The following CSMD1 variants were observed in gnomAD, a reference collection of about 807,000 sequenced individuals.
CSMD1 encodes the protein CUB and sushi domain-containing protein 1.
Under a neutral mutation model 417.5 loss-of-function variants are expected in CSMD1, and 213 were observed. The observed-to-expected ratio is 0.51, with a 90% CI of 0.46 to 0.57. The LOEUF (loss-of-function observed/expected upper bound fraction) is 0.57. Ranked by LOEUF, CSMD1 falls within the 20% of genes least tolerant of loss-of-function variation. The pLI is 0.00. For synonymous variants in CSMD1, 2,862 were observed against 1,736.8 expected, an observed-to-expected ratio of 1.65 and a Z score of -16.11; for missense variants, 6,923 against 4,529.7, an observed-to-expected ratio of 1.53 and a Z score of -15.17.
intron 3 of CSMD1, among the ~76,000 whole-genome samples, chr8:4,341,053 C>T (rs886091459): frequency 1.3e-5 from 2 of 151,932 alleles, no homozygotes; most frequent in Admixed American, 1.3e-4. Context: ...TACTCTAAAT[C>T]AACGTAAAAG....
At chr8:3,857,676 C>T (rs961214274) in intron 5 of CSMD1, among the ~76,000 whole-genome samples, 10 of 152,184 alleles carry the variant, frequency 6.6e-5, no homozygotes, top group African/African-American at 2.4e-4. Context: ...TTTTAATACA[C>T]TTCTTAGATT....
chr8:4,181,408 A>C (rs755215715), intron 3 of CSMD1, among the ~76,000 whole-genome samples: 12 of 152,012 alleles, frequency 7.9e-5, no homozygotes, highest in Non-Finnish European at 1.6e-4. Context: ...AGGGTTCTCC[A>C]ATCTTTTGGC....
chr8:3,447,539 G>A (rs1485039956), intron 12 of CSMD1, among the ~76,000 whole-genome samples: 2 of 152,168 alleles, frequency 1.3e-5, no homozygotes, highest in African/African-American at 4.8e-5. Context: ...TGGGACAGGT[G>A]GCACCCGGAA....
At chr8:3,717,240 G>C (rs922185767) in intron 6 of CSMD1, among the ~76,000 whole-genome samples, 1 of 151,974 alleles carries the variant, frequency 6.6e-6, no homozygotes, top group Non-Finnish European at 1.5e-5. Context: ...TTTCCATTAT[G>C]CTACATTTTT....
At chr8:4,092,271 C>A (rs915074122) in intron 3 of CSMD1, among the ~76,000 whole-genome samples, 1 of 152,116 alleles carries the variant, frequency 6.6e-6, no homozygotes, top group African/African-American at 2.4e-5. Context: ...TTTGTTCCAA[C>A]CAACTGAGTA....
At chr8:4,639,251 A>AT (rs34704649) in intron 1 of CSMD1, among the ~76,000 whole-genome samples, 40,609 of 131,294 alleles carry the variant, frequency 0.31, 7,873 homozygotes, top group African/African-American at 0.52. Flanking sequence ...GTGGTTGTCA[A>AT]TTTTTTTTTT....
intron 7 of CSMD1, among the ~76,000 whole-genome samples, chr8:3,700,961 G>C (rs1800828170): frequency 6.6e-6 from 1 of 151,952 alleles, no homozygotes; most frequent in South Asian, 2.1e-4. Context: ...GAGAGGCTGA[G>C]GATGACATGA....
chr8:4,496,647 T>C (rs1318892103), intron 2 of CSMD1, among the ~76,000 whole-genome samples: 1 of 152,168 alleles, frequency 6.6e-6, no homozygotes, highest in Non-Finnish European at 1.5e-5. Context: ...TCATAGCTCC[T>C]TTTGGTCTCC....
chr8:4,663,634 T>A (rs1804746144), intron 1 of CSMD1, among the ~76,000 whole-genome samples: 1 of 152,276 alleles, frequency 6.6e-6, no homozygotes, highest in South Asian at 2.1e-4. Flanking sequence ...TACTTTCCCT[T>A]CCACTATGAT....
At chr8:3,764,323 G>A (rs1359976272) in intron 5 of CSMD1, among the ~76,000 whole-genome samples, 1 of 152,166 alleles carries the variant, frequency 6.6e-6, no homozygotes, top group Non-Finnish European at 1.5e-5. Context: ...ACTCTCCTGA[G>A]TGTACTTGTG....
rs1269290683 is a variant in CSMD1 at position 4,352,391 on chromosome 8, T to G, written c.415+67562A>C. Among the ~76,000 whole-genome samples, 10 of 152,170 alleles carry G rather than the reference T, an allele frequency of 6.6e-5. 1 individual carries two copies. Among genetic ancestry groups the G allele is most frequent in the Admixed American group, 6.5e-4 (10 of 15,280 alleles). On this transcript the variant is annotated intron_variant, in intron 3 of 69. Transcript: ENST00000635120. ...AAACAGCAATAAATATGTCTGTAGA[T>G]CCACAGAAAATGAGAACACCAGTAT...
intron 11 of CSMD1, among the ~76,000 whole-genome samples, chr8:3,475,844 C>A (rs1296167960): frequency 6.6e-6 from 1 of 152,190 alleles, no homozygotes; most frequent in Non-Finnish European, 1.5e-5. Context: ...ACCTTTAACT[C>A]TTTGAGAGTG....
intron 26 of CSMD1, among the ~76,000 whole-genome samples, chr8:3,275,852 A>C (rs1802247748): frequency 6.6e-6 from 1 of 151,990 alleles, no homozygotes; most frequent in Admixed American, 6.6e-5. Flanking sequence ...CATAGTTTTC[A>C]ACTTCTTTGC....
intron 2 of CSMD1, among the ~76,000 whole-genome samples, chr8:4,533,348 A>G (rs1796936148): frequency 6.6e-6 from 1 of 152,306 alleles, no homozygotes; most frequent in East Asian, 1.9e-4. Flanking sequence ...GAGTTAATTC[A>G]TTTGGAAAGG....
rs1563183326 is a variant in CSMD1, at chr8:4,446,761, G to GTGTGTGTGTGTC, written c.303-26697_303-26696insGACACACACACA. On this transcript the variant is annotated intron_variant, in intron 2 of 69. Coordinates refer to ENST00000635120, the MANE Select transcript of CSMD1 (RefSeq NM_033225.6). ...TGTGTGTGTGTGTGTGTGTCTGTGT[G>GTGTGTGTGTGTC]TGTGTGTGTGTGTGTGTGTGTGTGT... Among the ~76,000 whole-genome samples the GTGTGTGTGTGTC allele has an allele frequency of 1.4e-3, 99 of 69,002 alleles. 1 individual carries two copies. Among genetic ancestry groups the GTGTGTGTGTGTC allele is most frequent in the African/African-American group, 8.2e-3 (96 of 11,724 alleles). The allele number at this position is 69,002 out of a possible 152,430, so 45.3% of individuals were successfully genotyped here.
chr8:3,982,863 C>G (rs556380482), intron 5 of CSMD1, among the ~76,000 whole-genome samples: 22 of 152,176 alleles, frequency 1.4e-4, no homozygotes, highest in Non-Finnish European at 1.0e-4. Context: ...ATACCAAGGA[C>G]AAAGCTAAAC....
intron 3 of CSMD1, among the ~76,000 whole-genome samples, chr8:4,042,022 T>A (rs575515160): frequency 6.6e-6 from 1 of 151,938 alleles, no homozygotes; most frequent in South Asian, 2.1e-4. Context: ...GCACAGAGAA[T>A]CAATGAACTT....
intron 3 of CSMD1, among the ~76,000 whole-genome samples, chr8:4,324,803 T>C (rs1024379596): frequency 6.6e-6 from 1 of 152,150 alleles, no homozygotes; most frequent in Non-Finnish European, 1.5e-5. Context: ...AGCGCCTGCT[T>C]CCCATGTCTT....
At chr8:3,616,022 A>G (rs1045876983) in intron 8 of CSMD1, among the ~76,000 whole-genome samples, 2 of 152,128 alleles carry the variant, frequency 1.3e-5, no homozygotes, top group African/African-American at 4.8e-5. Context: ...TTTTCTGAAT[A>G]AACTTTACTG....
Sources: allele counts gnomAD v4.1 joint callset (sites outside exome capture counted in the v4.1 genomes callset), GRCh38; gene constraint gnomAD v4.1.1; transcripts MANE v1.5; gene names NCBI Gene and HGNC (gene_info 2026-07-23, HGNC 2026-07-21).